DPP8: variants seen among roughly 807,000 people sequenced by gnomAD.
DPP8 encodes the protein dipeptidyl peptidase 8.
A neutral mutation model predicts 107.5 loss-of-function variants in DPP8; 31 were observed. That is an observed-to-expected ratio of 0.29 (90% CI 0.22 to 0.39). The LOEUF is 0.39. Among genes scored for constraint, DPP8 ranks in the 10% least tolerant of loss-of-function variants. DPP8 has a pLI of 1.00. For missense variants in DPP8, 842 were observed against 1,076.1 expected (o/e 0.78, Z 3.04); for synonymous variants, 381 against 356.6 (o/e 1.07, Z -0.77).
intron 8 of DPP8, 75 bp downstream of exon 8, chr15:65,485,024 T>C: frequency 8.6e-7 from 1 of 1,165,952 alleles, no homozygotes; most frequent in Non-Finnish European, 1.3e-6. Flanking sequence ...AATAAAAAAG[T>C]GTATCAAAGA....
intron 5 of DPP8, among the ~76,000 whole-genome samples, chr15:65,491,160 C>CAAAAAAA (rs764574499): frequency 9.1e-5 from 5 of 55,008 alleles, no homozygotes; most frequent in Non-Finnish European, 1.8e-4. Flanking sequence ...GACTCCGTCT[C>CAAAAAAA]AAAAAAAAAA....
intron 15 of DPP8, among the ~76,000 whole-genome samples, chr15:65,457,938 G>A (rs887138167): frequency 6.6e-6 from 1 of 152,084 alleles, no homozygotes; most frequent in African/African-American, 2.4e-5. Flanking sequence ...GATTACATGT[G>A]TGTGCCACAG....
chr15:65,467,241 A>G lies in DPP8; in HGVS notation c.1537-18T>C, dbSNP rs765457590. 3.2e-5 allele frequency: 52 copies of G among 1,613,586 alleles called. No homozygotes were observed. Among genetic ancestry groups the G allele is most frequent in the Non-Finnish European group, 4.3e-5 (51 of 1,179,748 alleles). ...ACTTGGATCTGACAAGATAACAACA[A>G]TAACAAAATCAGGGCTAACATGACC... On this transcript the variant is annotated intron_variant, in intron 12 of 19. Transcript: ENST00000300141.
At chr15:65,476,260 G>A (rs2066383311) in intron 11 of DPP8, among the ~76,000 whole-genome samples, 1 of 151,966 alleles carries the variant, frequency 6.6e-6, no homozygotes, top group African/African-American at 2.4e-5. Context: ...TAAACTCGAA[G>A]AGCACAAAAA....
At chr15:65,515,809 G>A (rs1393046112) in intron 1 of DPP8, 27 of 945,350 alleles carry the variant, frequency 2.9e-5, no homozygotes, top group Non-Finnish European at 3.5e-5. Flanking sequence ...CCAGGATAAT[G>A]AAATAAGATA....
At position 65,451,041 on chromosome 15, in the gene DPP8, T is replaced by G. The variant is rs781193462; in HGVS notation, c.2484A>C (p.Leu828Phe). 22 of 1,612,192 alleles carry G rather than the reference T, an allele frequency of 1.4e-5. 1 individual carries two copies. In the South Asian group the frequency reaches 2.4e-4, roughly 18 times the overall value. Residue 828 changes from leucine (L) to phenylalanine (F), a missense_variant, in exon 19 of 20, where the codon TTA (leucine) becomes TTC (phenylalanine). Transcript: ENST00000300141. ...TTCCAGCCCTCACTAAAAAACTCAG[T>G]AATATACTGGTATGTGCAAAATGGA... ...ENVHFAHTSILLSFLVRAGKP... is the reference protein window; with the variant it reads ...ENVHFAHTSIFLSFLVRAGKP...
intron 7 of DPP8, 122 bp from the exon 8 acceptor site, chr15:65,485,282 G>A (rs2067295720): frequency 1.0e-5 from 7 of 690,278 alleles, no homozygotes; most frequent in African/African-American, 3.6e-5. Flanking sequence ...AGTGGCTCAC[G>A]CCTGTAATCC....
chr15:65,450,012 G>C (rs796269921), intron 19 of DPP8, among the ~76,000 whole-genome samples: 1 of 151,882 alleles, frequency 6.6e-6, no homozygotes, highest in African/African-American at 2.4e-5. Context: ...TTGTTGCCCA[G>C]GCTGGAGTGC....
intron 4 of DPP8, 59 bp from the exon 5 acceptor site, chr15:65,498,091 AC>A: frequency 8.0e-7 from 1 of 1,243,352 alleles, no homozygotes; most frequent in Non-Finnish European, 1.1e-6. Context: ...ATGTTCCAGC[AC>A]CCTTCCTATA....
intron 3 of DPP8, among the ~76,000 whole-genome samples, chr15:65,505,269 G>C (rs1022804304): frequency 4.0e-5 from 6 of 151,648 alleles, no homozygotes; most frequent in Admixed American, 1.3e-4. Context: ...GCAGGAGAAT[G>C]GTGTGAACCC....
chr15:65,512,233 C>T, intron 2 of DPP8, 62 bp downstream of exon 2: 1 of 1,504,700 alleles, frequency 6.6e-7, no homozygotes, highest in Non-Finnish European at 9.0e-7. Flanking sequence ...GTCAATTATA[C>T]CTAGACTTTA....
intron 15 of DPP8, among the ~76,000 whole-genome samples, chr15:65,458,332 C>T (rs1363724137): frequency 6.6e-6 from 1 of 152,148 alleles, no homozygotes; most frequent in East Asian, 1.9e-4. Context: ...GTGATCTCGG[C>T]CCACTGCAAC....
intron 5 of DPP8, among the ~76,000 whole-genome samples, chr15:65,496,112 T>C (rs187501414): frequency 3.3e-5 from 5 of 151,910 alleles, no homozygotes; most frequent in Non-Finnish European, 7.4e-5. Context: ...GCCTCCTTAG[T>C]AGCTGGGACT....
chr15:65,499,689 T>A (rs1265799307), intron 4 of DPP8, among the ~76,000 whole-genome samples: 1 of 152,080 alleles, frequency 6.6e-6, no homozygotes, highest in South Asian at 2.1e-4. Flanking sequence ...CTCAGCTTCC[T>A]GAGTAGCTGG....
chr15:65,464,256 G>A (rs749644395), intron 14 of DPP8, among the ~76,000 whole-genome samples: 101 of 152,012 alleles, frequency 6.6e-4, no homozygotes, highest in Middle Eastern at 3.4e-3. Context: ...CCAGCTACTC[G>A]GGAGGCTGAG....
chr15:65,515,832 T>C, intron 1 of DPP8: 2 of 767,640 alleles, frequency 2.6e-6, no homozygotes, highest in Non-Finnish European at 2.1e-6. Context: ...ACTTTGATCA[T>C]TAAGATGGAC....
chr15:65,445,193 A>T lies in DPP8; in HGVS notation c.*1691T>A, dbSNP rs1218983589. 6.6e-6 allele frequency: 1 copy of T among 152,224 alleles called. No homozygotes were observed. Among genetic ancestry groups the T allele is most frequent in the African/African-American group, 2.4e-5 (1 of 41,464 alleles). The allele number at this position is 152,224 out of a possible 1,614,324, so 9.4% of individuals were successfully genotyped here. The stretch of plus-strand genomic sequence containing the variant: ...CCCTACCTCCCACTTGGTGTCAATG[A>T]AGTCCACCTCTTACCAATAGTCACC... On this transcript the variant is annotated 3_prime_UTR_variant, in exon 20 of 20. Transcript: ENST00000300141.
In DPP8 at chr15:65,456,377, GA is replaced by G; in HGVS notation, c.1972-7del. 6.2e-7 allele frequency: 1 copy of G among 1,603,930 alleles called. No homozygotes were observed. The highest frequency in any genetic ancestry group is 8.5e-7 in the Non-Finnish European group (1 of 1,176,802). On this transcript the variant is annotated splice_polypyrimidine_tract_variant and splice_region_variant and intron_variant, in intron 15 of 19. Coordinates refer to ENST00000300141, the MANE Select transcript of DPP8 (RefSeq NM_130434.5). The stretch of plus-strand genomic sequence containing the variant: ...CGATTATTCACCAACTGCACCTGAG[GA>G]AGAAACACAACTTCAGTTTATCATA...
chr15:65,485,792 T>C (rs542551698), intron 7 of DPP8, among the ~76,000 whole-genome samples: 14 of 151,722 alleles, frequency 9.2e-5, no homozygotes, highest in Middle Eastern at 3.4e-3. Context: ...ACCCCATATC[T>C]ACAAAAAATA....
Sources: gnomAD v4.1 joint callset for allele counts (sites outside exome capture counted in the v4.1 genomes callset) on GRCh38, gnomAD v4.1.1 for gene constraint, MANE v1.5 for transcripts, NCBI Gene and HGNC (gene_info 2026-07-23, HGNC 2026-07-21) for gene names.